NUP210L: variants seen among roughly 807,000 people sequenced by gnomAD.
NUP210L encodes the protein nucleoporin 210 like.
A neutral mutation model predicts 208.5 loss-of-function variants in NUP210L; 74 were observed. That is an observed-to-expected ratio of 0.35 (90% CI 0.29 to 0.43). The LOEUF (loss-of-function observed/expected upper bound fraction) is 0.43. Among genes scored for constraint, NUP210L ranks in the 20% least tolerant of loss-of-function variants. The probability of loss-of-function intolerance (pLI) is 1.00; values close to 1 mark genes in which losing one functional copy is unlikely to be tolerated. For synonymous variants in NUP210L, 780 were observed against 816.9 expected, an observed-to-expected ratio of 0.95 and a Z score of 0.77; for missense variants, 1,843 against 2,289.4, an observed-to-expected ratio of 0.81 and a Z score of 3.98.
At chr1:154,135,689 G>A (rs994973898) in intron 7 of NUP210L, 125 bp downstream of exon 7, 3 of 773,500 alleles carry the variant, frequency 3.9e-6, no homozygotes, top group African/African-American at 3.5e-5. Flanking sequence ...CCAAAGTGCT[G>A]GAATTACAGG....
chr1:154,093,283 C>A (rs1215590370), intron 15 of NUP210L, among the ~76,000 whole-genome samples: 1 of 151,958 alleles, frequency 6.6e-6, no homozygotes, highest in Non-Finnish European at 1.5e-5. Flanking sequence ...ACAAAATTAG[C>A]CGGGTGTGGT....
At chr1:154,130,985 G>A (rs1032449707) in intron 7 of NUP210L, among the ~76,000 whole-genome samples, 1 of 152,032 alleles carries the variant, frequency 6.6e-6, no homozygotes, top group African/African-American at 2.4e-5. Context: ...TAAGAGCTAG[G>A]GCCGGGCGTC....
At chr1:154,068,249 G>A (rs895689101) in intron 17 of NUP210L, among the ~76,000 whole-genome samples, 2 of 152,138 alleles carry the variant, frequency 1.3e-5, no homozygotes, top group Non-Finnish European at 2.9e-5. Context: ...TAGACCAATG[G>A]AACAGACCAG....
At chr1:154,077,957 C>T (rs1167572084) in intron 16 of NUP210L, among the ~76,000 whole-genome samples, 1 of 151,752 alleles carries the variant, frequency 6.6e-6, no homozygotes, top group Non-Finnish European at 1.5e-5. Flanking sequence ...TGCACTCTAA[C>T]CTGGGCAACA....
rs144575564 is a variant in NUP210L, at chr1:154,076,643, G to C, written c.2362-6178C>G. On this transcript the variant is annotated intron_variant, in intron 16 of 39. Transcript: ENST00000368559. ...TGAAGAAAGAATTGGAGAACTTGAAGCTAGGTCAACTGAGATTATCCAGTC... is the reference window on the plus strand; with the variant it reads ...TGAAGAAAGAATTGGAGAACTTGAACCTAGGTCAACTGAGATTATCCAGTC... Among the ~76,000 whole-genome samples, 1,152 of 152,064 alleles carry C rather than the reference G, an allele frequency of 7.6e-3. 13 individuals carry two copies. The highest frequency in any genetic ancestry group is 0.027 in the African/African-American group (1,110 of 41,452).
At chr1:154,078,926 C>T (rs922046781) in intron 16 of NUP210L, 3 of 152,260 alleles carry the variant, frequency 2.0e-5, no homozygotes, top group Non-Finnish European at 2.9e-5. Flanking sequence ...CAGCATTGCT[C>T]AGGCTTTTCT....
chr1:154,027,784 C>G (rs1221916148), intron 28 of NUP210L, among the ~76,000 whole-genome samples, 187 bp from the exon 29 acceptor site: 2 of 152,136 alleles, frequency 1.3e-5, no homozygotes, highest in African/African-American at 4.8e-5. Flanking sequence ...GAACCAGGCA[C>G]TCAAAACGTA....
chr1:154,150,965 C>G (rs1451682117), intron 2 of NUP210L, among the ~76,000 whole-genome samples: 2 of 152,010 alleles, frequency 1.3e-5, no homozygotes, highest in African/African-American at 4.8e-5. Context: ...CACTGGGAAT[C>G]TCATCTATGT....
intron 35 of NUP210L, among the ~76,000 whole-genome samples, chr1:154,006,797 T>A (rs530991482): frequency 7.7e-5 from 11 of 143,126 alleles, no homozygotes; most frequent in African/African-American, 2.6e-4. Flanking sequence ...GCCTGGCCTC[T>A]TTCTGCTTTC....
In NUP210L at chr1:154,058,231, GA is replaced by G; in HGVS notation, c.2980-16del. The stretch of plus-strand genomic sequence containing the variant: ...TCTATTTCAACCTAGTAGTTAAAAA[GA>G]AAAAGATTTTAGCAAAGGTGTCTCA... On this transcript the variant is annotated splice_polypyrimidine_tract_variant and intron_variant, in intron 21 of 39. Coordinates refer to ENST00000368559, the Ensembl canonical transcript of NUP210L. The G allele has an allele frequency of 2.5e-6, 4 of 1,612,082 alleles. No homozygotes were observed. The highest frequency in any genetic ancestry group is 3.4e-6 in the Non-Finnish European group (4 of 1,179,414).
In NUP210L at chr1:154,152,655, T is replaced by A. The variant is rs551841543; in HGVS notation, c.340+81A>T. 10 of 1,257,758 alleles carry A rather than the reference T, an allele frequency of 8.0e-6. No individual in the cohort carries two copies. In the African/African-American group the frequency reaches 8.9e-5, roughly 11 times the overall value. 77.9% of individuals were successfully genotyped at this position (1,257,758 alleles called of 1,614,324 possible). A position where few individuals can be genotyped will look rare whatever the true frequency, so the allele number is the denominator to read the frequency against. ...CTTTGATCATTTGAAGCCAACACCA[T>A]TTGTGTTAACTATCTATACAAAATA... On this transcript the variant is annotated intron_variant, in intron 2 of 39. Coordinates refer to ENST00000368559, the Ensembl canonical transcript of NUP210L.
chr1:154,119,846 A>G (rs527959946), intron 10 of NUP210L, among the ~76,000 whole-genome samples: 2 of 152,338 alleles, frequency 1.3e-5, no homozygotes, highest in East Asian at 3.9e-4. Context: ...TAGTGCTGCA[A>G]TAAACATACG....
At chr1:154,121,445 G>C (rs1282873144) in intron 10 of NUP210L, among the ~76,000 whole-genome samples, 1 of 152,086 alleles carries the variant, frequency 6.6e-6, no homozygotes. Context: ...CCCTTCTGTA[G>C]TCCCCATTAT....
chr1:154,019,111 T>C, intron 32 of NUP210L, 42 bp from the exon 33 acceptor site: 2 of 1,607,086 alleles, frequency 1.2e-6, no homozygotes, highest in South Asian at 2.2e-5. Context: ...AAGCCTTTGA[T>C]ATAAATCACT....
chr1:154,150,272 G>A (rs1373564283), intron 2 of NUP210L, among the ~76,000 whole-genome samples: 3 of 152,200 alleles, frequency 2.0e-5, no homozygotes, highest in Admixed American at 2.0e-4. Context: ...TACTCGGGAG[G>A]CTGAGGCAGG....
intron 17 of NUP210L, among the ~76,000 whole-genome samples, chr1:154,066,474 G>A (rs1314816952): frequency 3.9e-5 from 6 of 152,150 alleles, no homozygotes; most frequent in Admixed American, 2.6e-4. Flanking sequence ...AGCCGGGTGC[G>A]GTGGCGGGCG....
exon 1 of NUP210L, chr1:154,154,847 G>A: frequency 6.2e-7 from 1 of 1,613,584 alleles, no homozygotes; most frequent in Middle Eastern, 1.7e-4. Flanking sequence ...CTCACCAAGT[G>A]TAGCAGCCCC....
At chr1:153,994,323 T>A (rs1047980190) in intron 38 of NUP210L, among the ~76,000 whole-genome samples, 1 of 149,158 alleles carries the variant, frequency 6.7e-6, no homozygotes, top group Non-Finnish European at 1.5e-5. Context: ...GTTGAGGACC[T>A]TTTTTTTTTG....
intron 35 of NUP210L, among the ~76,000 whole-genome samples, chr1:154,006,263 C>T (rs1650519775): frequency 1.3e-5 from 2 of 152,142 alleles, no homozygotes; most frequent in South Asian, 4.1e-4. Context: ...ACTGCAGCCT[C>T]AACCTCCTGG....
Sources: allele counts gnomAD v4.1 joint callset (sites outside exome capture counted in the v4.1 genomes callset), GRCh38; gene constraint gnomAD v4.1.1; transcripts MANE v1.5; gene names NCBI Gene and HGNC (gene_info 2026-07-23, HGNC 2026-07-21).